The following BMP2K variants were observed in gnomAD, a reference collection of about 807,000 sequenced individuals.
The protein encoded by BMP2K is BMP-2-inducible protein kinase.
A neutral mutation model predicts 116.0 loss-of-function variants in BMP2K; 74 were observed. The ratio of observed to expected loss-of-function variants is 0.64; its 90% CI spans 0.53 to 0.77. BMP2K has a LOEUF of 0.77. BMP2K is among the 30% of genes least tolerant of loss of function. BMP2K has a pLI of 0.00. For synonymous variants in BMP2K, 486 were observed against 502.5 expected (o/e 0.97, Z 0.44); for missense variants, 1,365 against 1,403.6 (o/e 0.97, Z 0.44).
chr4:78,886,953 C>T (rs1733126976), intron 14 of BMP2K, among the ~76,000 whole-genome samples: 1 of 152,078 alleles, frequency 6.6e-6, no homozygotes, highest in Admixed American at 6.5e-5. Flanking sequence ...TTTAGTGAAA[C>T]CTATCACGGA....
In BMP2K at chr4:78,911,519, A is replaced by G. The variant is rs1560560880; in HGVS notation, c.2972A>G (p.Lys991Arg). The G allele has an allele frequency of 6.2e-7, 1 of 1,613,936 alleles. No homozygotes were observed. Residue 991 changes from lysine (K) to arginine (R), a missense_variant, in exon 16 of 16, where the codon AAA becomes AGA. Lys to Arg is a conservative substitution (Grantham distance 26). Coordinates refer to ENST00000502613, the MANE Select transcript of BMP2K (RefSeq NM_198892.2). ...AGGCGCACAAAGCAGGATATGTCCA[A>G]AAGTAATGGGAAGCGGCATCATGGC... ...RQRRTKQDMS[K>R]SNGKRHHGTP...
intron 15 of BMP2K, 66 bp from the exon 16 acceptor site, chr4:78,910,544 A>G: frequency 7.8e-7 from 1 of 1,276,994 alleles, no homozygotes; most frequent in Non-Finnish European, 1.1e-6. Flanking sequence ...ATACATATTA[A>G]CATTTAGTGC....
At chr4:78,851,129 C>A in intron 7 of BMP2K, 73 bp downstream of exon 7, 2 of 1,319,394 alleles carry the variant, frequency 1.5e-6, no homozygotes, top group East Asian at 2.8e-5. Context: ...CATTCCTTTA[C>A]TTAAATCTAG....
intron 7 of BMP2K, among the ~76,000 whole-genome samples, chr4:78,854,685 C>T (rs916602951): frequency 2.6e-5 from 4 of 152,066 alleles, no homozygotes; most frequent in East Asian, 1.9e-4. Context: ...GTGACTGGTT[C>T]GATTAGGGTT....
intron 1 of BMP2K, among the ~76,000 whole-genome samples, 194 bp from the exon 2 acceptor site, chr4:78,825,843 C>T (rs1030680921): frequency 8.5e-5 from 13 of 152,172 alleles, no homozygotes; most frequent in African/African-American, 3.1e-4. Context: ...AGCATATTTT[C>T]CTCTAAGTAC....
chr4:78,845,344 A>G (rs1730948141), intron 5 of BMP2K, among the ~76,000 whole-genome samples: 1 of 151,626 alleles, frequency 6.6e-6, no homozygotes, highest in African/African-American at 2.4e-5. Flanking sequence ...GAATTCAGTT[A>G]AACATCTTTG....
chr4:78,911,580 C>A lies in BMP2K; in HGVS notation c.3033C>A (p.Thr1011=). Reference sequence around the variant, plus strand: ...GCACAAAGAAGACTTTGAAGCCTACCTATCGCACTCCAGAGAGGGCTCGCA... The same window carrying A: ...GCACAAAGAAGACTTTGAAGCCTACATATCGCACTCCAGAGAGGGCTCGCA... ...PTSTKKTLKP[T]YRTPERARRH... Residue 1011 remains threonine (T), a synonymous_variant, in exon 16 of 16, where the codon ACC becomes ACA. Coordinates refer to ENST00000502613, the MANE Select transcript of BMP2K (RefSeq NM_198892.2). The A allele has an allele frequency of 6.2e-7, 1 of 1,614,038 alleles. No individual in the cohort carries two copies. The highest frequency in any genetic ancestry group is 8.5e-7 in the Non-Finnish European group (1 of 1,179,894).
chr4:78,786,554 C>A (rs1727741735), intron 1 of BMP2K, among the ~76,000 whole-genome samples: 1 of 151,980 alleles, frequency 6.6e-6, no homozygotes, highest in Non-Finnish European at 1.5e-5. Context: ...TTGCCTTAGC[C>A]TCCCGACAGT....
At chr4:78,878,533 T>C (rs1363576309) in intron 13 of BMP2K, among the ~76,000 whole-genome samples, 2 of 152,192 alleles carry the variant, frequency 1.3e-5, no homozygotes, top group Non-Finnish European at 2.9e-5. Context: ...TAGGTGATTA[T>C]GGAGCTAGTA....
intron 1 of BMP2K, among the ~76,000 whole-genome samples, chr4:78,810,196 A>G (rs1729017680): frequency 6.6e-6 from 1 of 152,214 alleles, no homozygotes; most frequent in Non-Finnish European, 1.5e-5. Flanking sequence ...GTGTTGGGGC[A>G]TGAATTCAAT....
At chr4:78,803,415 GA>G (rs1728668253) in intron 1 of BMP2K, among the ~76,000 whole-genome samples, 1 of 151,686 alleles carries the variant, frequency 6.6e-6, no homozygotes, top group Admixed American at 6.6e-5. Flanking sequence ...TTTTGGGGGG[GA>G]TCAGAGTCTT....
chr4:78,810,868 G>C (rs1396925351), intron 1 of BMP2K, among the ~76,000 whole-genome samples: 1 of 152,130 alleles, frequency 6.6e-6, no homozygotes, highest in Non-Finnish European at 1.5e-5. Flanking sequence ...TTGTGAAAAA[G>C]TTGATTTTGA....
intron 1 of BMP2K, among the ~76,000 whole-genome samples, chr4:78,808,689 C>G (rs546263680): frequency 1.1e-4 from 16 of 152,258 alleles, no homozygotes; most frequent in Admixed American, 3.3e-4. Context: ...AGTATTTTCT[C>G]ATTTCCCTTG....
chr4:78,815,640 G>A (rs1168784790), intron 1 of BMP2K, among the ~76,000 whole-genome samples: 2 of 151,916 alleles, frequency 1.3e-5, no homozygotes, highest in South Asian at 2.1e-4. Flanking sequence ...TGAAAGAGTG[G>A]TACAGTGAAT....
At chr4:78,878,942 A>G (rs1330320095) in intron 14 of BMP2K, 51 bp downstream of exon 14, 13 of 1,571,882 alleles carry the variant, frequency 8.3e-6, no homozygotes, top group African/African-American at 5.5e-5. Flanking sequence ...TAACAGCTCT[A>G]TTATTATTCA....
At chr4:78,862,274 C>T (rs1731835480) in intron 9 of BMP2K, among the ~76,000 whole-genome samples, 1 of 151,980 alleles carries the variant, frequency 6.6e-6, no homozygotes, top group African/African-American at 2.4e-5. Flanking sequence ...AGTTCACGTT[C>T]TAATTGACAA....
rs1303531570 is a variant in BMP2K, at chr4:78,911,973, A to G, written c.3426A>G (p.Gln1142=). 2.5e-6 allele frequency: 4 copies of G among 1,613,950 alleles called. No homozygotes were observed. The highest frequency in any genetic ancestry group is 2.5e-6 in the Non-Finnish European group (3 of 1,179,854). The change falls in exon 16 of 16, where the codon CAA becomes CAG. Residue 1142 remains glutamine (Q), a synonymous_variant. Transcript: ENST00000502613. ...VVQSITPHQS[Q]QSQPVELDPF... ...AAAGCATCACTCCACATCAGTCCCA[A>G]CAGTCCCAACCAGTCGAATTAGACC...
At chr4:78,895,058 AAAGAT>A (rs372428859) in intron 15 of BMP2K, among the ~76,000 whole-genome samples, 3 of 152,222 alleles carry the variant, frequency 2.0e-5, no homozygotes, top group Non-Finnish European at 4.4e-5. Flanking sequence ...TAGTAACATC[AAAGAT>A]CACTGATCAC....
intron 13 of BMP2K, among the ~76,000 whole-genome samples, chr4:78,877,505 C>T (rs1435037659): frequency 6.6e-6 from 1 of 152,142 alleles, no homozygotes; most frequent in East Asian, 1.9e-4. Flanking sequence ...TCTTCCACCT[C>T]CACATCTTGT....
Sources: allele counts gnomAD v4.1 joint callset (sites outside exome capture counted in the v4.1 genomes callset), GRCh38; gene constraint gnomAD v4.1.1; transcripts MANE v1.5; gene names NCBI Gene and HGNC (gene_info 2026-07-23, HGNC 2026-07-21).